Variants in PIK3C2A observed in about 807,000 individuals in gnomAD.
The protein encoded by PIK3C2A is phosphatidylinositol 4-phosphate 3-kinase C2 domain-containing subunit alpha.
In PIK3C2A, 97 loss-of-function variants were observed where a neutral mutation model predicts 204.5. That is an observed-to-expected ratio of 0.47 (90% CI 0.40 to 0.56). PIK3C2A has a LOEUF of 0.56. Among genes scored for constraint, PIK3C2A ranks in the 20% least tolerant of loss-of-function variants. PIK3C2A has a pLI of 0.00. For synonymous variants in PIK3C2A, 653 were observed against 664.4 expected, an observed-to-expected ratio of 0.98 and a Z score of 0.26; for missense variants, 1,735 against 1,969.2, an observed-to-expected ratio of 0.88 and a Z score of 2.25.
rs1213691547 is a variant in PIK3C2A at position 17,089,546 on chromosome 11, G to C, written c.*192C>G. The stretch of plus-strand genomic sequence containing the variant: ...GCAATGGCTTCCAAAAATTCAAAAA[G>C]GTTAGTTATGTGACTGTTGGTCCAA... On this transcript the variant is annotated 3_prime_UTR_variant, in exon 33 of 33. Transcript: ENST00000691414. 4.1e-6 allele frequency: 2 copies of C among 493,212 alleles called. No homozygotes were observed. Among genetic ancestry groups the C allele is most frequent in the Non-Finnish European group, 3.6e-6 (1 of 278,720 alleles). 30.6% of individuals were successfully genotyped at this position (493,212 alleles called of 1,614,324 possible).
chr11:17,110,143 G>A (rs1848951464), intron 22 of PIK3C2A, among the ~76,000 whole-genome samples: 1 of 151,934 alleles, frequency 6.6e-6, no homozygotes, highest in South Asian at 2.1e-4. Flanking sequence ...AGTAGAAACA[G>A]GGTTTCACCA....
At chr11:17,200,410 A>G (rs1852324637) in intron 1 of PIK3C2A, among the ~76,000 whole-genome samples, 1 of 151,200 alleles carries the variant, frequency 6.6e-6, no homozygotes, top group African/African-American at 2.4e-5. Context: ...ATTTTTCTAT[A>G]AACTTTCTAA....
intron 3 of PIK3C2A, 60 bp downstream of exon 3, chr11:17,155,465 GC>G (rs1850556497): frequency 1.2e-6 from 1 of 846,748 alleles, no homozygotes; most frequent in Admixed American, 2.1e-5. Context: ...AGAATTATTA[GC>G]ACTAAACTGG....
intron 1 of PIK3C2A, among the ~76,000 whole-genome samples, chr11:17,173,797 GGTTTGTTT>G (rs771787500): frequency 5.9e-5 from 9 of 152,110 alleles, no homozygotes; most frequent in Non-Finnish European, 8.8e-5. Context: ...GAACACGTGG[GGTTTGTTT>G]GTTTGTTTGT....
At chr11:17,118,765 T>A in intron 17 of PIK3C2A, 26 bp from the exon 18 acceptor site, 2 of 1,117,412 alleles carry the variant, frequency 1.8e-6, no homozygotes, top group Non-Finnish European at 2.7e-6. Context: ...ATAAGAATTA[T>A]TAGTGGTCTA....
chr11:17,129,727 G>A (rs965038606), intron 12 of PIK3C2A, among the ~76,000 whole-genome samples: 3 of 152,138 alleles, frequency 2.0e-5, no homozygotes, highest in Non-Finnish European at 2.9e-5. Flanking sequence ...AAGTAGCTGG[G>A]ATTATAGGCA....
intron 8 of PIK3C2A, among the ~76,000 whole-genome samples, chr11:17,145,198 T>C (rs1290967928): frequency 2.0e-5 from 3 of 152,146 alleles, no homozygotes; most frequent in African/African-American, 7.2e-5. Flanking sequence ...CATGATTGTG[T>C]TTTGAAATGT....
At chr11:17,174,593 C>CA (rs71047532) in intron 1 of PIK3C2A, among the ~76,000 whole-genome samples, 34,530 of 35,698 alleles carry the variant, frequency 0.97, 16,841 homozygotes, top group East Asian at 1. Context: ...GACTCCGTCT[C>CA]AAAAAAAAAA....
intron 32 of PIK3C2A, among the ~76,000 whole-genome samples, chr11:17,090,804 A>T (rs1005529930): frequency 6.6e-6 from 1 of 151,810 alleles, no homozygotes; most frequent in Non-Finnish European, 1.5e-5. Flanking sequence ...CAGTGGCATG[A>T]TCATGACTCA....
chr11:17,114,112 TA>T (rs1427553057), intron 20 of PIK3C2A, among the ~76,000 whole-genome samples: 1 of 151,024 alleles, frequency 6.6e-6, no homozygotes, highest in Non-Finnish European at 1.5e-5. Context: ...AATAAATAAA[TA>T]AAAAGGTGAG....
rs1850276451 is a variant in PIK3C2A at position 17,147,435 on chromosome 11, A to C, written c.1560+82T>G. 5.4e-6 allele frequency: 4 copies of C among 747,028 alleles called. 1 individual carries two copies. The South Asian group carries it at 6.5e-5, about 12-fold the overall frequency. 46.3% of individuals were successfully genotyped at this position (747,028 alleles called of 1,614,324 possible). On this transcript the variant is annotated intron_variant, in intron 6 of 32. Coordinates refer to ENST00000691414, the MANE Select transcript of PIK3C2A (RefSeq NM_002645.4). Reference sequence around the variant, plus strand: ...CCATTCTAACTATGAAATCATGAAAAATGTACAAGTTGAAAATTGGCAAAT... The same window carrying C: ...CCATTCTAACTATGAAATCATGAAACATGTACAAGTTGAAAATTGGCAAAT...
At chr11:17,155,768 A>T in intron 2 of PIK3C2A, 139 bp from the exon 3 acceptor site, 1 of 525,058 alleles carries the variant, frequency 1.9e-6, no homozygotes. Flanking sequence ...ACAAATTTTT[A>T]AATTATATAT....
rs561526243 is a variant in PIK3C2A, at chr11:17,104,233, T to C, written c.3681+936A>G. Among the ~76,000 whole-genome samples the C allele has an allele frequency of 1.2e-3, 189 of 152,294 alleles. 6 individuals carry two copies. The South Asian group carries it at 0.037, about 30-fold the overall frequency. On this transcript the variant is annotated intron_variant, in intron 23 of 32. Coordinates refer to ENST00000691414, the MANE Select transcript of PIK3C2A (RefSeq NM_002645.4). ...TTTCCTCATATGTAATTCTAAATAATAGTAAAACAGAAAATTGATGTTTCC... is the reference window on the plus strand; with the variant it reads ...TTTCCTCATATGTAATTCTAAATAACAGTAAAACAGAAAATTGATGTTTCC...
intron 1 of PIK3C2A, among the ~76,000 whole-genome samples, chr11:17,201,482 G>A (rs145666620): frequency 0.037 from 4,946 of 135,432 alleles, 248 homozygotes; most frequent in African/African-American, 0.12. Context: ...AGCCAAGATC[G>A]CACCACTGCA....
chr11:17,135,797 T>A (rs1565266054), intron 9 of PIK3C2A, among the ~76,000 whole-genome samples: 1 of 151,944 alleles, frequency 6.6e-6, no homozygotes, highest in Admixed American at 6.6e-5. Flanking sequence ...GATAGGATCT[T>A]TCTGAGAATG....
chr11:17,105,506 C>T (rs1041404058), intron 22 of PIK3C2A, among the ~76,000 whole-genome samples: 1 of 152,154 alleles, frequency 6.6e-6, no homozygotes, highest in South Asian at 2.1e-4. Flanking sequence ...TTTTAAGCCC[C>T]GCATACATTA....
chr11:17,179,562 C>T (rs1164212108), intron 1 of PIK3C2A, among the ~76,000 whole-genome samples: 1 of 152,126 alleles, frequency 6.6e-6, no homozygotes, highest in East Asian at 1.9e-4. Flanking sequence ...GAAAACTTAA[C>T]ATTTTAGAGA....
chr11:17,104,734 A>C (rs939367848), intron 23 of PIK3C2A, among the ~76,000 whole-genome samples: 2 of 151,566 alleles, frequency 1.3e-5, no homozygotes, highest in Non-Finnish European at 2.9e-5. Context: ...CAAAAAAAAA[A>C]AAAAAAAAAA....
chr11:17,141,944 G>C (rs1850077238), intron 8 of PIK3C2A, among the ~76,000 whole-genome samples: 1 of 152,172 alleles, frequency 6.6e-6, no homozygotes, highest in East Asian at 1.9e-4. Context: ...GTTTTGGTCT[G>C]AGCAAATGGA....
Sources: gnomAD v4.1 joint callset for allele counts (sites outside exome capture counted in the v4.1 genomes callset) on GRCh38, gnomAD v4.1.1 for gene constraint, MANE v1.5 for transcripts, NCBI Gene and HGNC (gene_info 2026-07-23, HGNC 2026-07-21) for gene names.